VEPH1: variants seen among roughly 807,000 people sequenced by gnomAD.
VEPH1 encodes the protein ventricular zone-expressed PH domain-containing protein homolog 1.
In VEPH1, 80 loss-of-function variants were observed where a neutral mutation model predicts 85.2. That is an observed-to-expected ratio of 0.94 (90% CI 0.78 to 1.13). The LOEUF (loss-of-function observed/expected upper bound fraction) is 1.13, where lower values mean the gene tolerates loss of function less well. Ranked by LOEUF, VEPH1 falls within the 50% of genes most tolerant of loss-of-function variation. The pLI is 0.00. For missense variants in VEPH1, 955 were observed against 980.5 expected (o/e 0.97, Z 0.35); for synonymous variants, 297 against 348.0 (o/e 0.85, Z 1.63).
At chr3:157,400,339 C>T (rs941189088) in intron 6 of VEPH1, among the ~76,000 whole-genome samples, 5 of 151,980 alleles carry the variant, frequency 3.3e-5, no homozygotes, top group Admixed American at 3.3e-4. Context: ...GCATTTGGCA[C>T]AGAATGCTAA....
At chr3:157,500,790 G>T (rs923221167) in intron 1 of VEPH1, among the ~76,000 whole-genome samples, 1 of 152,082 alleles carries the variant, frequency 6.6e-6, no homozygotes, top group Non-Finnish European at 1.5e-5. Flanking sequence ...ACTCCAGTAA[G>T]AAGAGCAGAG....
At chr3:157,392,409 T>G (rs1729946972) in intron 6 of VEPH1, among the ~76,000 whole-genome samples, 1 of 152,146 alleles carries the variant, frequency 6.6e-6, no homozygotes, top group Admixed American at 6.5e-5. Flanking sequence ...ATGGGAAAGA[T>G]ATGCCCCCAT....
rs180874732 is a variant in VEPH1, at chr3:157,489,161, C to T, written c.138+6051G>A. The T allele has an allele frequency of 1.3e-4, 58 of 456,558 alleles. No individual in the cohort carries two copies. The Admixed American group carries it at 1.4e-3, about 11-fold the overall frequency. 28.3% of individuals were successfully genotyped at this position (456,558 alleles called of 1,614,324 possible). A position where few individuals can be genotyped will look rare whatever the true frequency, so the allele number is the denominator to read the frequency against. On this transcript the variant is annotated intron_variant, in intron 2 of 13. Transcript: ENST00000362010. Reference sequence around the variant, plus strand: ...GATTTCACTCTTGCCTTTCCACAGACTGTTCCCAAAACAGGAATAGAAAAA... The same window carrying T: ...GATTTCACTCTTGCCTTTCCACAGATTGTTCCCAAAACAGGAATAGAAAAA...
chr3:157,395,590 C>A (rs954516390), intron 6 of VEPH1, among the ~76,000 whole-genome samples: 20 of 152,144 alleles, frequency 1.3e-4, no homozygotes. Context: ...TATTAAAATC[C>A]TCCTCTCCAA....
chr3:157,496,765 C>T lies in VEPH1; in HGVS notation c.-157-1259G>A, dbSNP rs904045878. Among the ~76,000 whole-genome samples, 12 of 152,166 alleles carry T rather than the reference C, an allele frequency of 7.9e-5. 1 individual carries two copies. Among genetic ancestry groups the T allele is most frequent in the African/African-American group, 2.9e-4 (12 of 41,440 alleles). On this transcript the variant is annotated intron_variant, in intron 1 of 13. Transcript: ENST00000362010. ...CTTCAAACACCATGGCCTCAAAATA[C>T]AAGCCAAAGCTTTCATTACACACTC...
chr3:157,317,900 T>G (rs375288380), intron 9 of VEPH1, among the ~76,000 whole-genome samples: 1 of 152,236 alleles, frequency 6.6e-6, no homozygotes, highest in South Asian at 2.1e-4. Context: ...ATAAACATTA[T>G]AATTAATTGA....
chr3:157,295,164 C>A (rs1031388871), intron 11 of VEPH1, among the ~76,000 whole-genome samples: 1 of 152,170 alleles, frequency 6.6e-6, no homozygotes, highest in Non-Finnish European at 1.5e-5. Context: ...CCAGGGCTAA[C>A]AACTGAGGCA....
At chr3:157,486,449 T>G (rs1312234780) in intron 2 of VEPH1, among the ~76,000 whole-genome samples, 1 of 149,968 alleles carries the variant, frequency 6.7e-6, no homozygotes, top group East Asian at 2.0e-4. Flanking sequence ...TTAGCCAAGA[T>G]TGTACCACTG....
intron 4 of VEPH1, among the ~76,000 whole-genome samples, chr3:157,449,605 C>G (rs537020453): frequency 5.4e-4 from 82 of 152,224 alleles, no homozygotes; most frequent in African/African-American, 1.9e-3. Context: ...GAAATTACTG[C>G]CTCTTCCTCT....
intron 12 of VEPH1, among the ~76,000 whole-genome samples, chr3:157,279,482 C>G (rs1159308519): frequency 6.6e-6 from 1 of 152,008 alleles, no homozygotes; most frequent in African/African-American, 2.4e-5. Flanking sequence ...AGAGACAACT[C>G]TCTTGGCTTT....
intron 12 of VEPH1, among the ~76,000 whole-genome samples, chr3:157,277,637 T>A (rs1715562789): frequency 6.6e-6 from 1 of 152,202 alleles, no homozygotes; most frequent in Non-Finnish European, 1.5e-5. Context: ...CTGGAAGCCT[T>A]AGCAGTTACA....
At chr3:157,354,401 G>C (rs1306187845) in intron 9 of VEPH1, among the ~76,000 whole-genome samples, 1 of 152,036 alleles carries the variant, frequency 6.6e-6, no homozygotes, top group Non-Finnish European at 1.5e-5. Flanking sequence ...CAGCACTGCT[G>C]ACAGCTTTCC....
At chr3:157,407,716 A>G (rs1245406667) in intron 6 of VEPH1, among the ~76,000 whole-genome samples, 3 of 152,176 alleles carry the variant, frequency 2.0e-5, no homozygotes, top group African/African-American at 7.2e-5. Flanking sequence ...TCAGTCTGTT[A>G]GGGTCAAGTT....
chr3:157,275,423 A>G (rs1293185736), intron 12 of VEPH1, among the ~76,000 whole-genome samples: 2 of 152,046 alleles, frequency 1.3e-5, no homozygotes, highest in Non-Finnish European at 2.9e-5. Flanking sequence ...TAAAATACAA[A>G]AAATTAGCCG....
At chr3:157,268,863 T>A (rs751129158) in intron 12 of VEPH1, among the ~76,000 whole-genome samples, 1 of 152,184 alleles carries the variant, frequency 6.6e-6, no homozygotes, top group Non-Finnish European at 1.5e-5. Context: ...TCCTCCCACC[T>A]CAGCCTCCCG....
chr3:157,438,965 G>T (rs1733900414), intron 4 of VEPH1, among the ~76,000 whole-genome samples: 1 of 152,170 alleles, frequency 6.6e-6, no homozygotes, highest in Non-Finnish European at 1.5e-5. Context: ...GGAGGGGGAA[G>T]AAGCATGTTT....
chr3:157,313,861 G>T, intron 10 of VEPH1, 106 bp from the exon 11 acceptor site: 3 of 1,335,688 alleles, frequency 2.2e-6, no homozygotes, highest in Non-Finnish European at 3.1e-6. Context: ...ACTTTAACAT[G>T]ATTTAATTTT....
chr3:157,369,548 G>T (rs1354320295), intron 7 of VEPH1, among the ~76,000 whole-genome samples: 1 of 152,156 alleles, frequency 6.6e-6, no homozygotes, highest in Non-Finnish European at 1.5e-5. Context: ...GGCAGCCAAG[G>T]TCTCCAGATG....
At chr3:157,274,453 A>C (rs1474344330) in intron 12 of VEPH1, among the ~76,000 whole-genome samples, 1 of 152,162 alleles carries the variant, frequency 6.6e-6, no homozygotes, top group African/African-American at 2.4e-5. Flanking sequence ...ATGAAAGGCA[A>C]TTCCAAGTGT....
Sources: allele counts gnomAD v4.1 joint callset (sites outside exome capture counted in the v4.1 genomes callset), GRCh38; gene constraint gnomAD v4.1.1; transcripts MANE v1.5; gene names NCBI Gene and HGNC (gene_info 2026-07-23, HGNC 2026-07-21).